RASEF: variants seen among roughly 807,000 people sequenced by gnomAD.
The protein encoded by RASEF is RAS and EF-hand domain containing.
Under a neutral mutation model 90.1 loss-of-function variants are expected in RASEF, and 68 were observed. The ratio of observed to expected loss-of-function variants is 0.75; its 90% CI spans 0.62 to 0.92. The LOEUF is 0.92. RASEF is among the 40% of genes least tolerant of loss of function. RASEF has a pLI of 0.00. For synonymous variants in RASEF, 331 were observed against 345.2 expected (o/e 0.96, Z 0.46); for missense variants, 949 against 937.2 (o/e 1.01, Z -0.16).
At chr9:83,016,976 T>C (rs1376565169) in intron 3 of RASEF, among the ~76,000 whole-genome samples, 1 of 152,148 alleles carries the variant, frequency 6.6e-6, no homozygotes, top group Non-Finnish European at 1.5e-5. Context: ...ACATCTTCCC[T>C]AAAGGTAACG....
At chr9:83,068,404 T>C in the RASEF span, among the ~76,000 whole-genome samples, 1 of 152,180 alleles carries the variant, frequency 6.6e-6, no homozygotes, top group African/African-American at 2.4e-5. Flanking sequence ...TCCATTCCCC[T>C]CCTGGCTTTG....
At chr9:83,066,520 T>C (rs1305150261), upstream of RASEF, among the ~76,000 whole-genome samples, 1 of 152,232 alleles carries the variant, frequency 6.6e-6, no homozygotes, top group African/African-American at 2.4e-5. Context: ...CTTTTTATTT[T>C]AGCATCCAGA....
At chr9:83,070,071 G>C in the RASEF span, among the ~76,000 whole-genome samples, 2 of 152,038 alleles carry the variant, frequency 1.3e-5, no homozygotes, top group Non-Finnish European at 2.9e-5. Context: ...TAGGTACTTT[G>C]AAAATCTGTG....
At chr9:83,086,109 CAATT>C in the RASEF span, among the ~76,000 whole-genome samples, 1 of 152,016 alleles carries the variant, frequency 6.6e-6, no homozygotes, top group African/African-American at 2.4e-5. Flanking sequence ...TTTAAGCAAT[CAATT>C]AAGAATTATC....
At chr9:83,096,369 T>G in the RASEF span, among the ~76,000 whole-genome samples, 1 of 152,080 alleles carries the variant, frequency 6.6e-6, no homozygotes, top group African/African-American at 2.4e-5. Context: ...AAAAAGACAT[T>G]AAGGATAATA....
intron 14 of RASEF, among the ~76,000 whole-genome samples, chr9:82,996,250 G>C (rs1026315497): frequency 6.6e-6 from 1 of 152,208 alleles, no homozygotes; most frequent in Non-Finnish European, 1.5e-5. Flanking sequence ...AATATACTTA[G>C]TTGAAAAGTT....
At chr9:83,199,224 TAA>T in the RASEF span, among the ~76,000 whole-genome samples, 7 of 118,626 alleles carry the variant, frequency 5.9e-5, no homozygotes, top group African/African-American at 2.3e-4. Flanking sequence ...AGCCCTAATT[TAA>T]AAAAAAAAAA....
chr9:82,986,293 A>C (rs1470751895), intron 16 of RASEF, among the ~76,000 whole-genome samples: 4 of 152,216 alleles, frequency 2.6e-5, no homozygotes, highest in Non-Finnish European at 5.9e-5. Context: ...TTCACTGAAC[A>C]ATTCACATCT....
the RASEF span, among the ~76,000 whole-genome samples, chr9:83,206,574 C>CA: frequency 3.9e-5 from 6 of 152,176 alleles, no homozygotes; most frequent in Non-Finnish European, 8.8e-5. Flanking sequence ...TTTGGTCTGA[C>CA]AAAATACAAC....
upstream of RASEF, among the ~76,000 whole-genome samples, chr9:83,066,395 G>A (rs1007863153): frequency 2.6e-5 from 4 of 152,190 alleles, no homozygotes; most frequent in Non-Finnish European, 1.5e-5. Flanking sequence ...TCAGGCAGCA[G>A]GAATGTTTTT....
chr9:82,990,502 C>A (rs780979998), intron 15 of RASEF, 35 bp from the exon 16 acceptor site: 1 of 1,459,030 alleles, frequency 6.9e-7, no homozygotes, highest in Non-Finnish European at 9.5e-7. Flanking sequence ...TAAATGAAGC[C>A]CTTCATTGAG....
chr9:83,002,426 G>T (rs73467555), intron 9 of RASEF, among the ~76,000 whole-genome samples: 3,432 of 151,700 alleles, frequency 0.023, 129 homozygotes, highest in African/African-American at 0.078. Flanking sequence ...AATCTATATA[G>T]CTAGCTACGT....
At chr9:83,108,151 G>A in the RASEF span, among the ~76,000 whole-genome samples, 1 of 152,098 alleles carries the variant, frequency 6.6e-6, no homozygotes, top group African/African-American at 2.4e-5. Context: ...CTTGATCTGG[G>A]TAGTGTTTAC....
chr9:83,187,470 T>C, the RASEF span, among the ~76,000 whole-genome samples: 1 of 152,126 alleles, frequency 6.6e-6, no homozygotes, highest in Non-Finnish European at 1.5e-5. Context: ...CCTTGTAGCT[T>C]TACAGTGACC....
intron 2 of RASEF, among the ~76,000 whole-genome samples, chr9:83,024,859 T>C (rs78161853): frequency 0.03 from 4,516 of 152,238 alleles, 204 homozygotes; most frequent in African/African-American, 0.1. Context: ...CGCCCCTATG[T>C]AGACAGGGCA....
At chr9:83,110,033 A>T in the RASEF span, among the ~76,000 whole-genome samples, 17 of 152,324 alleles carry the variant, frequency 1.1e-4, no homozygotes, top group African/African-American at 4.1e-4. Context: ...TTATCAAAAA[A>T]ACATTTTATT....
chr9:83,029,060 T>G (rs2118588988), intron 1 of RASEF, among the ~76,000 whole-genome samples: 1 of 152,308 alleles, frequency 6.6e-6, no homozygotes, highest in Admixed American at 6.5e-5. Context: ...ACTTGTGTTG[T>G]TTAAGCCACC....
the RASEF span, among the ~76,000 whole-genome samples, chr9:83,070,664 C>T: frequency 6.6e-6 from 1 of 152,080 alleles, no homozygotes; most frequent in Non-Finnish European, 1.5e-5. Flanking sequence ...TCAATTTACA[C>T]AAAAATACAT....
At chr9:83,152,590 A>G in the RASEF span, among the ~76,000 whole-genome samples, 1 of 152,198 alleles carries the variant, frequency 6.6e-6, no homozygotes. Context: ...AAAATGTTGT[A>G]TGGGGGTTTT....
Sources: allele counts gnomAD v4.1 joint callset (sites outside exome capture counted in the v4.1 genomes callset), GRCh38; gene constraint gnomAD v4.1.1; transcripts MANE v1.5; gene names NCBI Gene and HGNC (gene_info 2026-07-23, HGNC 2026-07-21).